Variants in SGMS2 observed in about 807,000 individuals in gnomAD.
The protein encoded by SGMS2 is phosphatidylcholine:ceramide cholinephosphotransferase 2.
In SGMS2, 21 loss-of-function variants were observed where a neutral mutation model predicts 43.8. The ratio of observed to expected loss-of-function variants is 0.48; its 90% CI spans 0.34 to 0.69. The LOEUF (loss-of-function observed/expected upper bound fraction) is 0.69. Among genes scored for constraint, SGMS2 ranks in the 30% least tolerant of loss-of-function variants. SGMS2 has a pLI of 0.01. For synonymous variants in SGMS2, 167 were observed against 160.6 expected (o/e 1.04, Z -0.30); for missense variants, 384 against 443.2 (o/e 0.87, Z 1.20).
intron 1 of SGMS2, among the ~76,000 whole-genome samples, chr4:107,835,464 C>G (rs1199010211): frequency 2.0e-5 from 3 of 152,030 alleles, no homozygotes; most frequent in Non-Finnish European, 4.4e-5. Context: ...AATAAAAACT[C>G]GATGTGGGAG....
intron 2 of SGMS2, among the ~76,000 whole-genome samples, chr4:107,878,086 T>C (rs1433356232): frequency 6.6e-6 from 1 of 151,930 alleles, no homozygotes; most frequent in Non-Finnish European, 1.5e-5. Flanking sequence ...CGGCTAACTT[T>C]TGTATTTTTA....
chr4:107,845,338 C>T (rs1578517121), intron 1 of SGMS2, among the ~76,000 whole-genome samples: 2 of 152,076 alleles, frequency 1.3e-5, no homozygotes, highest in South Asian at 2.1e-4. Context: ...TAAAGGAGCC[C>T]GTGATCTGAA....
chr4:107,876,472 T>C (rs1728918826), intron 2 of SGMS2, among the ~76,000 whole-genome samples: 1 of 152,212 alleles, frequency 6.6e-6, no homozygotes, highest in Non-Finnish European at 1.5e-5. Flanking sequence ...AACAGAGAGG[T>C]AATATCTCTT....
intron 1 of SGMS2, among the ~76,000 whole-genome samples, chr4:107,850,477 T>G (rs1460478560): frequency 6.6e-6 from 1 of 152,194 alleles, no homozygotes; most frequent in East Asian, 1.9e-4. Context: ...TTTAGACTCT[T>G]TATGGAGGTA....
chr4:107,886,976 G>A (rs1376362022), intron 2 of SGMS2: 1 of 152,164 alleles, frequency 6.6e-6, no homozygotes, highest in Admixed American at 6.5e-5. Context: ...GTTCACAGGA[G>A]TATACTTTAC....
At chr4:107,853,920 T>A (rs1727286167) in intron 1 of SGMS2, among the ~76,000 whole-genome samples, 1 of 152,192 alleles carries the variant, frequency 6.6e-6, no homozygotes, top group South Asian at 2.1e-4. Flanking sequence ...GCACAGGAGT[T>A]AGTTATAAAT....
At chr4:107,869,664 G>C (rs1008257530) in intron 2 of SGMS2, among the ~76,000 whole-genome samples, 1 of 151,864 alleles carries the variant, frequency 6.6e-6, no homozygotes, top group Non-Finnish European at 1.5e-5. Flanking sequence ...AATGGCATTA[G>C]GGTCATGTTG....
intron 2 of SGMS2, among the ~76,000 whole-genome samples, chr4:107,869,930 A>G (rs1467036470): frequency 6.6e-6 from 1 of 152,200 alleles, no homozygotes; most frequent in Non-Finnish European, 1.5e-5. Context: ...TCAGTAAAGC[A>G]GGAAATAGAT....
chr4:107,872,728 GC>G (rs1728639304), intron 2 of SGMS2, among the ~76,000 whole-genome samples: 1 of 151,966 alleles, frequency 6.6e-6, no homozygotes, highest in African/African-American at 2.4e-5. Flanking sequence ...ATTAAAACAT[GC>G]TGCTTATTTA....
chr4:107,853,091 C>T (rs1191559537), intron 1 of SGMS2, among the ~76,000 whole-genome samples: 5 of 152,064 alleles, frequency 3.3e-5, no homozygotes, highest in Non-Finnish European at 7.4e-5. Flanking sequence ...CTTGTCATCG[C>T]TCATGACTTT....
intron 1 of SGMS2, among the ~76,000 whole-genome samples, chr4:107,836,691 C>T (rs957634809): frequency 1.3e-5 from 2 of 152,146 alleles, no homozygotes; most frequent in Non-Finnish European, 2.9e-5. Flanking sequence ...ATGCTGTTTA[C>T]TAATTTGTGC....
intron 2 of SGMS2, among the ~76,000 whole-genome samples, chr4:107,878,850 C>G (rs552727544): frequency 6.6e-5 from 10 of 152,144 alleles, no homozygotes; most frequent in Non-Finnish European, 1.0e-4. Flanking sequence ...AAAAAAGAAG[C>G]CAGATTTTAA....
chr4:107,832,094 C>T (rs1238666046), intron 1 of SGMS2, among the ~76,000 whole-genome samples: 2 of 152,148 alleles, frequency 1.3e-5, no homozygotes, highest in African/African-American at 2.4e-5. Flanking sequence ...CTGCTACTGT[C>T]TTCTGATATT....
intron 1 of SGMS2, among the ~76,000 whole-genome samples, chr4:107,842,403 A>G (rs948880007): frequency 6.6e-6 from 1 of 152,180 alleles, no homozygotes; most frequent in African/African-American, 2.4e-5. Flanking sequence ...ACACTTTTAA[A>G]CAACCAGATC....
intron 5 of SGMS2, 80 bp downstream of exon 5, chr4:107,903,466 A>G (rs896323103): frequency 3.7e-6 from 5 of 1,357,570 alleles, no homozygotes; most frequent in Non-Finnish European, 5.2e-6. Flanking sequence ...AGGAGCCCTT[A>G]TTCTCTTGGG....
At chr4:107,872,135 T>C (rs191075490) in intron 2 of SGMS2, among the ~76,000 whole-genome samples, 14 of 152,330 alleles carry the variant, frequency 9.2e-5, no homozygotes, top group Non-Finnish European at 1.8e-4. Flanking sequence ...TACAGGTTTC[T>C]AGAGGGCATT....
intron 2 of SGMS2, among the ~76,000 whole-genome samples, chr4:107,861,059 G>A (rs528517154): frequency 8.1e-4 from 123 of 152,240 alleles, no homozygotes; most frequent in African/African-American, 2.6e-3. Flanking sequence ...GGACTAGGTC[G>A]GTCTCTTTCG....
At chr4:107,891,783 A>G (rs750137817) in intron 2 of SGMS2, among the ~76,000 whole-genome samples, 5 of 151,936 alleles carry the variant, frequency 3.3e-5, no homozygotes, top group Non-Finnish European at 7.4e-5. Flanking sequence ...CCCCCACCCT[A>G]ATGTTTTATT....
At chr4:107,878,549 T>A (rs1729099574) in intron 2 of SGMS2, among the ~76,000 whole-genome samples, 1 of 152,196 alleles carries the variant, frequency 6.6e-6, no homozygotes, top group Non-Finnish European at 1.5e-5. Flanking sequence ...ATCTTTCCAT[T>A]AACATACCTA....
Sources: gnomAD v4.1 joint callset for allele counts (sites outside exome capture counted in the v4.1 genomes callset) on GRCh38, gnomAD v4.1.1 for gene constraint, MANE v1.5 for transcripts, NCBI Gene and HGNC (gene_info 2026-07-23, HGNC 2026-07-21) for gene names.